PHF24: variants seen among roughly 807,000 people sequenced by gnomAD.
PHF24 encodes the protein Galpha inhibitory interacting protein.
In PHF24, 25 loss-of-function variants were observed where a neutral mutation model predicts 42.6. The ratio of observed to expected loss-of-function variants is 0.59; its 90% CI spans 0.43 to 0.82. PHF24 has a LOEUF of 0.82. Ranked by LOEUF, PHF24 falls within the 40% of genes least tolerant of loss-of-function variation. The probability of loss-of-function intolerance (pLI) is 0.00; values close to 1 mark genes in which losing one functional copy is unlikely to be tolerated. For missense variants in PHF24, 470 were observed against 538.1 expected (o/e 0.87, Z 1.25); for synonymous variants, 185 against 204.8 (o/e 0.90, Z 0.83).
At chr9:34,715,695 T>C in the PHF24 span, among the ~76,000 whole-genome samples, 2 of 152,192 alleles carry the variant, frequency 1.3e-5, no homozygotes, top group African/African-American at 4.8e-5. Flanking sequence ...GAGGTACACA[T>C]GGCTGATTTC....
chr9:34,973,151 CT>C (rs1827066495), intron 3 of PHF24, among the ~76,000 whole-genome samples: 1 of 152,158 alleles, frequency 6.6e-6, no homozygotes, highest in Non-Finnish European at 1.5e-5. Flanking sequence ...AGGAGATTGA[CT>C]GGGGCCTAAT....
the PHF24 span, among the ~76,000 whole-genome samples, chr9:34,698,716 G>A: frequency 2.0e-5 from 3 of 152,132 alleles, no homozygotes; most frequent in Admixed American, 2.0e-4. Context: ...CTGACCTCCG[G>A]TGATCCACCT....
chr9:34,742,731 CTTT>C, the PHF24 span, among the ~76,000 whole-genome samples: 1 of 56,446 alleles, frequency 1.8e-5, no homozygotes, highest in Non-Finnish European at 5.0e-5. Flanking sequence ...TGCCCGGCTT[CTTT>C]TTTTCTTTTT....
chr9:34,698,028 G>C, the PHF24 span, among the ~76,000 whole-genome samples: 1 of 152,190 alleles, frequency 6.6e-6, no homozygotes, highest in African/African-American at 2.4e-5. Context: ...GGAATATGTG[G>C]TGGTAGCTAA....
chr9:34,697,225 T>C, the PHF24 span, among the ~76,000 whole-genome samples: 1 of 152,222 alleles, frequency 6.6e-6, no homozygotes, highest in Non-Finnish European at 1.5e-5. Flanking sequence ...CCTCAAACTT[T>C]AATGTGTGCA....
the PHF24 span, among the ~76,000 whole-genome samples, chr9:34,836,773 T>A: frequency 6.6e-6 from 1 of 152,350 alleles, no homozygotes; most frequent in Non-Finnish European, 1.5e-5. Context: ...TTCTCTTGAC[T>A]GGATAACATA....
chr9:34,844,887 T>A, the PHF24 span, among the ~76,000 whole-genome samples: 41 of 152,316 alleles, frequency 2.7e-4, no homozygotes, highest in African/African-American at 9.4e-4. Flanking sequence ...TGATTTTCTG[T>A]CTGGATGATC....
the PHF24 span, chr9:34,837,500 A>G: frequency 3.3e-6 from 2 of 603,264 alleles, no homozygotes; most frequent in East Asian, 2.9e-5. Context: ...AACGTTTCCA[A>G]GGTAAGATTT....
chr9:34,710,036 TAAGGAGGCTCAGAG>T, the PHF24 span: 1 of 1,614,030 alleles, frequency 6.2e-7, no homozygotes, highest in African/African-American at 1.3e-5. Flanking sequence ...AGAACCAGGA[TAAGGAGGCTCAGAG>T]CCAGTGACTG....
chr9:34,689,535 A>C, the PHF24 span: 1 of 409,750 alleles, frequency 2.4e-6, no homozygotes, highest in South Asian at 6.2e-5. This position sits in a 1 kb window ranked among gnomAD's most constrained non-coding sequence, Gnocchi z 4.1. Context: ...AGGAGTGGAG[A>C]AAGAACAAAG....
At chr9:34,885,959 T>C in the PHF24 span, among the ~76,000 whole-genome samples, 25 of 152,012 alleles carry the variant, frequency 1.6e-4, no homozygotes, top group South Asian at 5.2e-3. Flanking sequence ...CATGGTCCCT[T>C]CCTAGCTCCT....
the PHF24 span, among the ~76,000 whole-genome samples, chr9:34,891,759 A>G: frequency 6.6e-6 from 1 of 152,140 alleles, no homozygotes; most frequent in Non-Finnish European, 1.5e-5. Flanking sequence ...CTAGTGGGAA[A>G]GGCTGCAACA....
chr9:34,967,980 C>T (rs1435580576), intron 1 of PHF24, among the ~76,000 whole-genome samples: 1 of 152,186 alleles, frequency 6.6e-6, no homozygotes, highest in Non-Finnish European at 1.5e-5. Context: ...AAAACAAAAA[C>T]AAGTCATCAA....
the PHF24 span, among the ~76,000 whole-genome samples, chr9:34,703,865 C>T: frequency 2.0e-5 from 3 of 151,768 alleles, no homozygotes; most frequent in African/African-American, 4.8e-5. Context: ...CGCACCTGGC[C>T]GACTGCTTAC....
At chr9:34,811,918 A>T in the PHF24 span, among the ~76,000 whole-genome samples, 1 of 152,254 alleles carries the variant, frequency 6.6e-6, no homozygotes, top group African/African-American at 2.4e-5. Flanking sequence ...AATATCCAGT[A>T]TATATAAAGA....
At chr9:34,705,986 G>A in the PHF24 span, among the ~76,000 whole-genome samples, 1 of 152,064 alleles carries the variant, frequency 6.6e-6, no homozygotes, top group Non-Finnish European at 1.5e-5. Flanking sequence ...TAAACATTAT[G>A]TTTTGAATCC....
At chr9:34,705,834 C>T in the PHF24 span, among the ~76,000 whole-genome samples, 4 of 152,048 alleles carry the variant, frequency 2.6e-5, no homozygotes, top group Admixed American at 1.3e-4. Context: ...GAGGCTGAGG[C>T]GGGTGGAGCG....
At chr9:34,911,878 C>T in the PHF24 span, among the ~76,000 whole-genome samples, 2 of 152,134 alleles carry the variant, frequency 1.3e-5, no homozygotes, top group Non-Finnish European at 2.9e-5. Context: ...AAGAACAATC[C>T]AAATGGAGGC....
chr9:34,769,386 G>A, the PHF24 span, among the ~76,000 whole-genome samples: 1 of 152,172 alleles, frequency 6.6e-6, no homozygotes, highest in Non-Finnish European at 1.5e-5. Flanking sequence ...CTCCCAAAGT[G>A]CTGGGATTAC....
Sources: allele counts gnomAD v4.1 joint callset (sites outside exome capture counted in the v4.1 genomes callset), GRCh38; gene constraint gnomAD v4.1.1; non-coding constraint Gnocchi (gnomAD v3.1); transcripts MANE v1.5; gene names NCBI Gene and HGNC (gene_info 2026-07-23, HGNC 2026-07-21).